AMELY: variants seen among roughly 807,000 people sequenced by gnomAD.
AMELY encodes the protein amelogenin, Y isoform.
A neutral mutation model predicts 4.2 loss-of-function variants in AMELY; 4 were observed. The observed-to-expected ratio is 0.96, with a 90% CI of 0.47 to 2.19. The LOEUF is 2.19. Among genes scored for constraint, AMELY ranks in the 30% most tolerant of loss-of-function variants. AMELY has a pLI of 0.02. For synonymous variants in AMELY, 11 were observed against 14.7 expected, an observed-to-expected ratio of 0.75 and a Z score of 0.57; for missense variants, 32 against 41.5, an observed-to-expected ratio of 0.77 and a Z score of 0.63.
intron 1 of AMELY, among the ~76,000 whole-genome samples, chrY:6,901,822 G>A (rs894993276): frequency 6.0e-5 from 2 of 33,081 alleles, no homozygotes; most frequent in South Asian, 7.1e-4. Context: ...ATGTAGTCTC[G>A]GAGGCTAGGC....
At chrY:6,882,534 G>C in intron 1 of AMELY, among the ~76,000 whole-genome samples, 1 of 33,196 alleles carries the variant, frequency 3.0e-5, no homozygotes, top group Non-Finnish European at 7.4e-5. Context: ...ACATAGGCAA[G>C]GGTAAAGCCT....
chrY:6,903,557 T>C (rs762880967), intron 1 of AMELY, among the ~76,000 whole-genome samples: 276 of 33,443 alleles, frequency 8.3e-3, no homozygotes, highest in African/African-American at 0.031. Context: ...TATTGTCACC[T>C]AGTTGGCATT....
chrY:6,891,584 T>C, intron 1 of AMELY, among the ~76,000 whole-genome samples: 1 of 33,706 alleles, frequency 3.0e-5, no homozygotes, highest in African/African-American at 1.2e-4. Flanking sequence ...GCTACAGCAG[T>C]ATCAGAGTTT....
chrY:6,879,749 C>T (rs759456654), intron 1 of AMELY, among the ~76,000 whole-genome samples: 14 of 34,011 alleles, frequency 4.1e-4, no homozygotes, highest in Admixed American at 1.4e-3. Flanking sequence ...CTACATATGG[C>T]TAGCCAGCTT....
intron 1 of AMELY, among the ~76,000 whole-genome samples, chrY:6,895,062 A>T (rs756924415): frequency 1.2e-4 from 4 of 33,488 alleles, no homozygotes; most frequent in South Asian, 1.3e-3. Context: ...AGGTAGCTGG[A>T]CCCCTTCTCC....
intron 1 of AMELY, among the ~76,000 whole-genome samples, chrY:6,877,800 G>A: frequency 3.0e-5 from 1 of 32,849 alleles, no homozygotes. Flanking sequence ...AACCTACCTG[G>A]TATCACAGTC....
At chrY:6,900,201 T>C (rs2124084917) in intron 1 of AMELY, among the ~76,000 whole-genome samples, 1 of 33,445 alleles carries the variant, frequency 3.0e-5, no homozygotes, top group Non-Finnish European at 7.4e-5. Flanking sequence ...CTAGGGTCAA[T>C]AGAGGTTTCC....
intron 1 of AMELY, among the ~76,000 whole-genome samples, chrY:6,909,117 G>A: frequency 5.9e-5 from 2 of 33,682 alleles, no homozygotes; most frequent in African/African-American, 2.3e-4. Flanking sequence ...CTAAGCAGGG[G>A]TGGCAGGCTA....
chrY:6,886,228 T>C (rs905812957), intron 1 of AMELY, among the ~76,000 whole-genome samples: 4 of 33,270 alleles, frequency 1.2e-4, no homozygotes, highest in African/African-American at 2.4e-4. Context: ...ACAGAATATC[T>C]CAATAAAGGA....
In AMELY at chrY:6,868,533, CTT is replaced by C. The variant is rs751128609; in HGVS notation, c.148-73_148-72del. On this transcript the variant is annotated intron_variant, in intron 5 of 6. Coordinates refer to ENST00000651267, the MANE Select transcript of AMELY (RefSeq NM_001143.2). ...CCAACCAGAGAAGCAGCAGTGTTGTCTTTGCCATTATGGCCATAGGAATATTG... is the reference window on the plus strand; with the variant it reads ...CCAACCAGAGAAGCAGCAGTGTTGTCTGCCATTATGGCCATAGGAATATTG... 1.7e-3 allele frequency: 616 copies of C among 371,891 alleles called. No individual in the cohort carries two copies. In the East Asian group the frequency reaches 0.052, roughly 32 times the overall value. 92.8% of individuals were successfully genotyped at this position (371,891 alleles called of 400,897 possible). A position where few individuals can be genotyped will look rare whatever the true frequency, so the allele number is the denominator to read the frequency against.
At chrY:6,896,726 A>T (rs773263801) in intron 1 of AMELY, among the ~76,000 whole-genome samples, 1 of 33,425 alleles carries the variant, frequency 3.0e-5, no homozygotes, top group Admixed American at 2.8e-4. Context: ...AGTTCCAGCT[A>T]CTCAGGAACC....
intron 1 of AMELY, among the ~76,000 whole-genome samples, chrY:6,896,443 G>T: frequency 6.0e-5 from 2 of 33,265 alleles, no homozygotes; most frequent in African/African-American, 1.2e-4. Context: ...TTTTCAACCA[G>T]CTTTGGCAGA....
intron 1 of AMELY, among the ~76,000 whole-genome samples, chrY:6,899,589 T>G (rs2054088075): frequency 3.3e-5 from 1 of 30,729 alleles, no homozygotes; most frequent in Non-Finnish European, 7.8e-5. Context: ...CAAAATTAGC[T>G]GGGCGTGGTG....
At chrY:6,909,428 T>A in intron 1 of AMELY, among the ~76,000 whole-genome samples, 1 of 32,577 alleles carries the variant, frequency 3.1e-5, no homozygotes, top group East Asian at 8.2e-4. Context: ...AGCATCAGTT[T>A]ACACAAGCCC....
At chrY:6,884,391 A>G (rs921210504) in intron 1 of AMELY, among the ~76,000 whole-genome samples, 40 of 32,158 alleles carry the variant, frequency 1.2e-3, no homozygotes, top group African/African-American at 4.9e-3. Context: ...CAAAAAACCT[A>G]CACGTTCTGC....
Position 6,868,746 on chromosome Y carries a change from T to C in AMELY, c.133A>G (p.Met45Val), listed in dbSNP as rs767521112. ...VLTPLKWYQS[M>V]IRPPYSSYGY... ...TGTCTACATACTGGTGGTCTTATCA[T>C]GCTCTGGTACCACTTCAAAGGGGTG... is the stretch of plus-strand genomic sequence containing the variant. The change falls in exon 5 of 7, where the codon ATG becomes GTG. Residue 45 changes from methionine to valine, a missense_variant. Coordinates refer to ENST00000651267, the MANE Select transcript of AMELY (RefSeq NM_001143.2). The C allele has an allele frequency of 2.5e-6, 1 of 395,603 alleles. No homozygotes were observed. The highest frequency in any genetic ancestry group is 3.6e-6 in the Non-Finnish European group (1 of 280,638).
rs763097012 is a variant in AMELY at position 6,898,733 on chromosome Y, C to T, written c.-113+12940G>A. On this transcript the variant is annotated intron_variant, in intron 1 of 6. Coordinates refer to ENST00000651267, the MANE Select transcript of AMELY (RefSeq NM_001143.2). The stretch of plus-strand genomic sequence containing the variant: ...TAGAATTAACCATCATCCCCAGTGA[C>T]ACTCTTTCAGGATTTTGGACCTCCA... Among the ~76,000 whole-genome samples the T allele has an allele frequency of 4.7e-4, 16 of 33,857 alleles. No homozygotes were observed. The South Asian group carries it at 9.8e-3, about 21-fold the overall frequency. 90.8% of individuals were successfully genotyped at this position (33,857 alleles called of 37,273 possible).
intron 1 of AMELY, among the ~76,000 whole-genome samples, 46 bp downstream of exon 1, chrY:6,911,627 C>G (rs764970190): frequency 2.0e-4 from 7 of 34,908 alleles, no homozygotes; most frequent in Non-Finnish European, 4.3e-4. Flanking sequence ...CCCGCGCCCC[C>G]GGTCTGTTTG....
chrY:6,884,559 G>T, intron 1 of AMELY, among the ~76,000 whole-genome samples: 1 of 32,729 alleles, frequency 3.1e-5, no homozygotes, highest in Admixed American at 2.8e-4. Flanking sequence ...GCAAGACCCA[G>T]CAGTATACTG....
Sources: allele counts gnomAD v4.1 joint callset (sites outside exome capture counted in the v4.1 genomes callset), GRCh38; gene constraint gnomAD v4.1.1; transcripts MANE v1.5; gene names NCBI Gene and HGNC (gene_info 2026-07-23, HGNC 2026-07-21).